THSD7B: variants seen among roughly 807,000 people sequenced by gnomAD.
THSD7B encodes the protein thrombospondin type-1 domain-containing protein 7B.
A neutral mutation model predicts 213.6 loss-of-function variants in THSD7B; 138 were observed. That is an observed-to-expected ratio of 0.65 (90% CI 0.56 to 0.74). The LOEUF (loss-of-function observed/expected upper bound fraction) is 0.74. THSD7B is among the 30% of genes least tolerant of loss of function. The probability of loss-of-function intolerance (pLI) is 0.00; values close to 1 mark genes in which losing one functional copy is unlikely to be tolerated. For synonymous variants in THSD7B, 742 were observed against 687.0 expected, an observed-to-expected ratio of 1.08 and a Z score of -1.25; for missense variants, 1,931 against 1,991.5, an observed-to-expected ratio of 0.97 and a Z score of 0.58.
chr2:137,323,115 C>T (rs1371428842), intron 12 of THSD7B, among the ~76,000 whole-genome samples: 1 of 152,100 alleles, frequency 6.6e-6, no homozygotes, highest in African/African-American at 2.4e-5. Flanking sequence ...ATAGAGAAGT[C>T]AAGGAGGCTG....
intron 15 of THSD7B, among the ~76,000 whole-genome samples, chr2:137,523,556 A>T (rs1680225195): frequency 6.6e-6 from 1 of 152,206 alleles, no homozygotes; most frequent in South Asian, 2.1e-4. Context: ...GCAATTTGAG[A>T]AACTTGGAGT....
intron 15 of THSD7B, among the ~76,000 whole-genome samples, chr2:137,507,100 C>T (rs1187937642): frequency 2.6e-5 from 4 of 152,190 alleles, no homozygotes; most frequent in Non-Finnish European, 4.4e-5. Flanking sequence ...GATAACCCCT[C>T]CAGGAACTGA....
chr2:136,985,467 C>T (rs1283776288), intron 2 of THSD7B, among the ~76,000 whole-genome samples: 15 of 152,186 alleles, frequency 9.9e-5, no homozygotes, highest in Admixed American at 9.8e-4. Context: ...AGAGTCAAAG[C>T]CACTGTAAGC....
At chr2:137,631,041 T>G (rs192521808) in intron 20 of THSD7B, among the ~76,000 whole-genome samples, 75 of 152,318 alleles carry the variant, frequency 4.9e-4, no homozygotes, top group African/African-American at 1.7e-3. Flanking sequence ...AGGGGAAGTT[T>G]TGAAATGAGC....
At chr2:136,919,555 G>A (rs1368368258) in intron 2 of THSD7B, among the ~76,000 whole-genome samples, 2 of 152,188 alleles carry the variant, frequency 1.3e-5, no homozygotes, top group African/African-American at 4.8e-5. Flanking sequence ...TAGGATTGTG[G>A]CAGGCAGGAT....
At chr2:136,989,399 A>G (rs1685724483) in intron 2 of THSD7B, among the ~76,000 whole-genome samples, 2 of 150,902 alleles carry the variant, frequency 1.3e-5, no homozygotes, top group African/African-American at 4.9e-5. Flanking sequence ...CTGGTTGTTT[A>G]AAAGAGCCTG....
intron 10 of THSD7B, among the ~76,000 whole-genome samples, chr2:137,265,532 T>C (rs959975256): frequency 6.6e-6 from 1 of 152,208 alleles, no homozygotes; most frequent in Non-Finnish European, 1.5e-5. Context: ...TATTGCGGCA[T>C]TATTCACAAT....
intron 3 of THSD7B, among the ~76,000 whole-genome samples, chr2:137,090,019 A>C (rs912737182): frequency 1.3e-4 from 20 of 151,460 alleles, no homozygotes; most frequent in African/African-American, 4.8e-4. Context: ...AAAAAAGTAA[A>C]AAAAGAAAAA....
chr2:137,091,088 A>T (rs562693104), intron 3 of THSD7B, among the ~76,000 whole-genome samples: 1 of 152,354 alleles, frequency 6.6e-6, no homozygotes, highest in East Asian at 1.9e-4. Flanking sequence ...GTTAATATGT[A>T]ATCAATAGGA....
At chr2:136,966,093 G>T (rs1357657698) in intron 2 of THSD7B, among the ~76,000 whole-genome samples, 2 of 152,116 alleles carry the variant, frequency 1.3e-5, no homozygotes, top group Non-Finnish European at 2.9e-5. Context: ...CCTTCCCCCA[G>T]ATCTTCCCCT....
intron 17 of THSD7B, among the ~76,000 whole-genome samples, chr2:137,598,520 A>C (rs779314917): frequency 6.6e-6 from 1 of 152,340 alleles, no homozygotes; most frequent in Non-Finnish European, 1.5e-5. Context: ...TTGTACAGTA[A>C]GTTAGCAAAC....
At chr2:136,881,627 T>G (rs987255511) in intron 1 of THSD7B, among the ~76,000 whole-genome samples, 3 of 152,088 alleles carry the variant, frequency 2.0e-5, no homozygotes. Flanking sequence ...TGATTTTATT[T>G]CAGAGAAATA....
intron 3 of THSD7B, among the ~76,000 whole-genome samples, chr2:137,086,589 T>C (rs533556028): frequency 6.6e-6 from 1 of 152,338 alleles, no homozygotes; most frequent in African/African-American, 2.4e-5. Context: ...ACAAAGTTTA[T>C]TTTGCCATGT....
intron 2 of THSD7B, among the ~76,000 whole-genome samples, chr2:136,908,670 G>A (rs1012970810): frequency 2.0e-5 from 3 of 152,184 alleles, no homozygotes; most frequent in Non-Finnish European, 2.9e-5. Context: ...AAAGATGGAC[G>A]TGATTTTGAA....
At chr2:137,268,594 T>C (rs1179606026) in intron 10 of THSD7B, among the ~76,000 whole-genome samples, 1 of 152,166 alleles carries the variant, frequency 6.6e-6, no homozygotes, top group African/African-American at 2.4e-5. Context: ...AGTATAGCAG[T>C]GAGGACGACC....
chr2:137,416,012 A>G (rs1356801404), intron 14 of THSD7B, among the ~76,000 whole-genome samples: 1 of 152,200 alleles, frequency 6.6e-6, no homozygotes. Context: ...ATTTATTTTC[A>G]ACTGCTGTAT....
intron 26 of THSD7B, among the ~76,000 whole-genome samples, chr2:137,664,196 A>G (rs1000318495): frequency 1.6e-4 from 24 of 152,102 alleles, no homozygotes; most frequent in African/African-American, 5.3e-4. Flanking sequence ...AAAATGATCT[A>G]CTCTTATAAC....
At chr2:137,082,932 A>G (rs949136452) in intron 3 of THSD7B, among the ~76,000 whole-genome samples, 13 of 152,110 alleles carry the variant, frequency 8.5e-5, no homozygotes, top group Admixed American at 7.2e-4. Flanking sequence ...CTCCTCAGGA[A>G]TTTAATATCT....
chr2:137,216,686 G>A (rs557805287), intron 7 of THSD7B, among the ~76,000 whole-genome samples: 18 of 152,234 alleles, frequency 1.2e-4, no homozygotes, highest in African/African-American at 3.6e-4. Flanking sequence ...TGTACAAAAC[G>A]GGTTGGCGAT....
Sources: gnomAD v4.1 joint callset for allele counts (sites outside exome capture counted in the v4.1 genomes callset) on GRCh38, gnomAD v4.1.1 for gene constraint, MANE v1.5 for transcripts, NCBI Gene and HGNC (gene_info 2026-07-23, HGNC 2026-07-21) for gene names.